TRA2A: variants seen among roughly 807,000 people sequenced by gnomAD.
TRA2A encodes the protein transformer-2 protein homolog alpha.
In TRA2A, 31 loss-of-function variants were observed where a neutral mutation model predicts 45.7. That is an observed-to-expected ratio of 0.68 (90% CI 0.51 to 0.92). The LOEUF is 0.92. Ranked by LOEUF, TRA2A falls within the 40% of genes least tolerant of loss-of-function variation. The probability of loss-of-function intolerance (pLI) is 0.00; values close to 1 mark genes in which losing one functional copy is unlikely to be tolerated. For synonymous variants in TRA2A, 132 were observed against 126.2 expected, an observed-to-expected ratio of 1.05 and a Z score of -0.31; for missense variants, 304 against 367.5, an observed-to-expected ratio of 0.83 and a Z score of 1.41.
At position 23,505,760 on chromosome 7, in the gene TRA2A, C is replaced by T. The variant is rs776311816; in HGVS notation, c.824G>A (p.Arg275His). The stretch of plus-strand genomic sequence containing the variant: ...AGTTCACATACTTGGGCTGTAGGAA[C>T]GAGATCTTGATCGTGATCTATATCG... Reference protein sequence around the residue: ...YSRYRSRSRSRSYSPRRY With the variant: ...YSRYRSRSRSHSYSPRRY Residue 275 changes from arginine (R) to histidine (H), a missense_variant, in exon 7 of 8, where the codon CGT becomes CAT. This residue lies in a region of TRA2A where 42 missense variants were observed against 37.0 expected (regional missense o/e 1.14). Transcript: ENST00000297071. 11 of 1,554,576 alleles carry T rather than the reference C, an allele frequency of 7.1e-6. No homozygotes were observed. The highest frequency in any genetic ancestry group is 2.8e-5 in the African/African-American group (2 of 71,704).
At chr7:23,522,175 C>A in intron 1 of TRA2A, 1 of 1,149,532 alleles carries the variant, frequency 8.7e-7, no homozygotes, top group Non-Finnish European at 1.1e-6. Flanking sequence ...TTCTACTTCA[C>A]TCTTGCTTTC....
At chr7:23,520,883 G>A (rs545845441) in intron 2 of TRA2A, among the ~76,000 whole-genome samples, 219 of 152,044 alleles carry the variant, frequency 1.4e-3, no homozygotes, top group African/African-American at 4.8e-3. Flanking sequence ...AGTAGAGGCA[G>A]GGTTTCACCA....
intron 1 of TRA2A, chr7:23,522,264 G>A: frequency 9.1e-7 from 1 of 1,096,896 alleles, no homozygotes; most frequent in South Asian, 2.4e-5. Flanking sequence ...ATTCAAAATA[G>A]CCTTAAAAAA....
intron 2 of TRA2A, among the ~76,000 whole-genome samples, chr7:23,520,841 C>T (rs1171557060): frequency 1.3e-5 from 2 of 151,836 alleles, no homozygotes; most frequent in Non-Finnish European, 2.9e-5. Context: ...TACAGGTGCC[C>T]GCCACCCCGC....
chr7:23,516,843 C>G (rs1789896637), intron 2 of TRA2A, among the ~76,000 whole-genome samples: 1 of 152,180 alleles, frequency 6.6e-6, no homozygotes, highest in Non-Finnish European at 1.5e-5. Flanking sequence ...GGTGCGGTGG[C>G]TCATGCCTGT....
At chr7:23,531,644 A>T in intron 1 of TRA2A, 145 bp downstream of exon 1, 1 of 824,018 alleles carries the variant, frequency 1.2e-6, no homozygotes, top group Non-Finnish European at 1.9e-6. Context: ...CCCAGAAGCC[A>T]TCTTGGGATG....
At chr7:23,515,182 A>G (rs1313649620) in intron 3 of TRA2A, among the ~76,000 whole-genome samples, 1 of 150,786 alleles carries the variant, frequency 6.6e-6, no homozygotes, top group Non-Finnish European at 1.5e-5. Context: ...AGTATTCCCA[A>G]CTCAATTTAT....
At chr7:23,505,913 G>A (rs571607061) in intron 6 of TRA2A, 100 bp from the exon 7 acceptor site, 2 of 770,824 alleles carry the variant, frequency 2.6e-6, no homozygotes, top group South Asian at 2.4e-5. Flanking sequence ...ATGTACCTAA[G>A]GTGATAACTA....
intron 1 of TRA2A, among the ~76,000 whole-genome samples, chr7:23,524,205 G>A (rs1193096971): frequency 6.6e-6 from 1 of 152,038 alleles, no homozygotes; most frequent in Non-Finnish European, 1.5e-5. Flanking sequence ...TTTTAAGAAG[G>A]AGGAGTCTCA....
At chr7:23,522,070 T>C in intron 1 of TRA2A, 1 of 1,362,250 alleles carries the variant, frequency 7.3e-7, no homozygotes, top group Non-Finnish European at 9.5e-7. Flanking sequence ...TAAGTAATCA[T>C]GCAAATTCAT....
In TRA2A at chr7:23,531,903, G is replaced by A. The variant is rs1227197737; in HGVS notation, c.-79C>T. On this transcript the variant is annotated 5_prime_UTR_variant, in exon 1 of 8. Coordinates refer to ENST00000297071, the MANE Select transcript of TRA2A (RefSeq NM_013293.5). ...CGATGGCCTAATTAACCCGCTGACTGGACCGTGGGGAAGAGGAAAGAGTCG... is the reference window on the plus strand; with the variant it reads ...CGATGGCCTAATTAACCCGCTGACTAGACCGTGGGGAAGAGGAAAGAGTCG... The A allele has an allele frequency of 2.7e-6, 4 of 1,507,184 alleles. No individual in the cohort carries two copies. The highest frequency in any genetic ancestry group is 3.7e-6 in the Non-Finnish European group (4 of 1,090,828). 93.4% of individuals were successfully genotyped at this position (1,507,184 alleles called of 1,614,324 possible). A position where few individuals can be genotyped will look rare whatever the true frequency, so the allele number is the denominator to read the frequency against.
intron 1 of TRA2A, among the ~76,000 whole-genome samples, chr7:23,523,834 T>C (rs1043395789): frequency 1.3e-5 from 2 of 152,240 alleles, no homozygotes; most frequent in African/African-American, 4.8e-5. Flanking sequence ...GTAATTTAAG[T>C]TTCACAGACT....
chr7:23,531,599 G>A (rs1790587857), intron 1 of TRA2A, 190 bp downstream of exon 1: 2 of 621,098 alleles, frequency 3.2e-6, no homozygotes, highest in Non-Finnish European at 5.6e-6. Flanking sequence ...AAAGGGGGAG[G>A]GGTGTTATCC....
intron 4 of TRA2A, among the ~76,000 whole-genome samples, chr7:23,511,059 A>T (rs1229462033): frequency 6.6e-6 from 1 of 151,996 alleles, no homozygotes; most frequent in Non-Finnish European, 1.5e-5. Context: ...AGATGCCAAG[A>T]ACTTACTGTT....
At position 23,516,770 on chromosome 7, in the gene TRA2A, TAAAAAACAAAA is replaced by T. The variant is rs973055795; in HGVS notation, c.171-253_171-243del. 1.3e-4 allele frequency among the ~76,000 whole-genome samples: 20 copies of T among 149,316 alleles called. No individual in the cohort carries two copies. In the East Asian group the frequency reaches 2.1e-3, roughly 16 times the overall value. On this transcript the variant is annotated intron_variant, in intron 2 of 7. Transcript: ENST00000297071. ...AAAATGTTAAGGCCCCATCTTCTTT[TAAAAAACAAAA>T]AAAAAACAAAAAACAAAAACCCACT... is the stretch of plus-strand genomic sequence containing the variant.
At chr7:23,523,264 A>T (rs1790210328) in intron 1 of TRA2A, among the ~76,000 whole-genome samples, 1 of 152,138 alleles carries the variant, frequency 6.6e-6, no homozygotes, top group Non-Finnish European at 1.5e-5. Context: ...CAGTGACTAT[A>T]TTCTATATCC....
chr7:23,519,047 GTTCCCAGTTGCTCTAA>G (rs923058612), intron 2 of TRA2A, among the ~76,000 whole-genome samples: 2 of 152,070 alleles, frequency 1.3e-5, no homozygotes, highest in African/African-American at 4.8e-5. Flanking sequence ...TGCTTTTCTA[GTTCCCAGTTGCTCTAA>G]TTCCCAGTTG....
intron 4 of TRA2A, among the ~76,000 whole-genome samples, chr7:23,507,885 A>C (rs575945565): frequency 6.6e-6 from 1 of 152,180 alleles, no homozygotes; most frequent in African/African-American, 2.4e-5. Flanking sequence ...CCATGAGATC[A>C]ACAGGGGAGC....
At position 23,512,951 on chromosome 7, in the gene TRA2A, A is replaced by T; in HGVS notation, c.468T>A (p.Thr156=). The T allele has an allele frequency of 6.2e-7, 1 of 1,613,846 alleles. No individual in the cohort carries two copies. Among genetic ancestry groups the T allele is most frequent in the Non-Finnish European group, 8.5e-7 (1 of 1,179,970 alleles). The change falls in exon 4 of 8, where the codon ACT becomes ACA. Residue 156 remains threonine (T), a synonymous_variant. Transcript: ENST00000297071. ...CAAAAGCAAATCCTCGAGATCGCCC[A>T]GTTCGCTGATCATAAACCACATTGA... The part of the protein sequence containing the change: ...SGVNVVYDQR[T]GRSRGFAFVY...
Sources: gnomAD v4.1 joint callset for allele counts (sites outside exome capture counted in the v4.1 genomes callset) on GRCh38, gnomAD v4.1.1 for gene constraint, gnomAD v4.1.1 regional missense constraint, MANE v1.5 for transcripts, NCBI Gene and HGNC (gene_info 2026-07-23, HGNC 2026-07-21) for gene names.